The following RASA2 variants were observed in gnomAD, a reference collection of about 807,000 sequenced individuals.
The protein encoded by RASA2 is RAS p21 protein activator 2.
In RASA2, 155 loss-of-function variants were observed where a neutral mutation model predicts 118.2. The ratio of observed to expected loss-of-function variants is 1.31; its 90% CI spans 1.15 to 1.50. The LOEUF (loss-of-function observed/expected upper bound fraction) is 1.50, where lower values mean the gene tolerates loss of function less well. Ranked by LOEUF, RASA2 falls within the 40% of genes most tolerant of loss-of-function variation. RASA2 has a pLI of 0.00. For synonymous variants in RASA2, 353 were observed against 349.1 expected, an observed-to-expected ratio of 1.01 and a Z score of -0.12; for missense variants, 1,016 against 1,009.6, an observed-to-expected ratio of 1.01 and a Z score of -0.09.
chr3:141,555,080 G>A (rs1313828955), intron 6 of RASA2, among the ~76,000 whole-genome samples: 5 of 152,072 alleles, frequency 3.3e-5, no homozygotes, highest in African/African-American at 9.7e-5. Context: ...TGACCAACAA[G>A]GAGAAACCCC....
At chr3:141,545,130 C>T (rs568014849) in intron 5 of RASA2, among the ~76,000 whole-genome samples, 7 of 152,194 alleles carry the variant, frequency 4.6e-5, no homozygotes, top group South Asian at 2.1e-4. Flanking sequence ...ACATGTACCC[C>T]TGAACTTAAG....
chr3:141,551,645 C>G (rs2082577114), intron 5 of RASA2, among the ~76,000 whole-genome samples: 1 of 152,138 alleles, frequency 6.6e-6, no homozygotes, highest in South Asian at 2.1e-4. Context: ...TTGGAGGGCT[C>G]ACCTGTCCTT....
At chr3:141,590,013 T>G (rs545023270) in intron 19 of RASA2, 1 of 417,946 alleles carries the variant, frequency 2.4e-6, no homozygotes, top group Non-Finnish European at 4.7e-6. Context: ...GAATGAGATA[T>G]GAAGTTTCAA....
chr3:141,572,825 C>A, intron 12 of RASA2, 102 bp downstream of exon 12: 1 of 965,332 alleles, frequency 1.0e-6, no homozygotes, highest in Non-Finnish European at 1.5e-6. Context: ...TCATGTGTTA[C>A]TGAAAAAATA....
At chr3:141,504,819 C>G (rs2081839559) in intron 1 of RASA2, among the ~76,000 whole-genome samples, 1 of 152,216 alleles carries the variant, frequency 6.6e-6, no homozygotes, top group African/African-American at 2.4e-5. Flanking sequence ...TACTCCATCT[C>G]TTACTATCTC....
chr3:141,566,363 A>G (rs994343184), intron 9 of RASA2, among the ~76,000 whole-genome samples: 1 of 152,226 alleles, frequency 6.6e-6, no homozygotes, highest in African/African-American at 2.4e-5. Context: ...CTAACTACCA[A>G]TATAGAGGAA....
At chr3:141,546,172 G>A (rs534807475) in intron 5 of RASA2, among the ~76,000 whole-genome samples, 7 of 152,156 alleles carry the variant, frequency 4.6e-5, no homozygotes, top group African/African-American at 7.2e-5. Flanking sequence ...CCATGAGAGC[G>A]CAGATACCTC....
At chr3:141,609,307 T>C (rs1200716456) in intron 21 of RASA2, 113 bp from the exon 22 acceptor site, 4 of 580,952 alleles carry the variant, frequency 6.9e-6, no homozygotes, top group Non-Finnish European at 1.1e-5. Context: ...ATTTCCAGAC[T>C]TCCTTCTGCA....
chr3:141,528,085 GT>G (rs1235783398), intron 3 of RASA2, among the ~76,000 whole-genome samples: 1 of 151,766 alleles, frequency 6.6e-6, no homozygotes, highest in Non-Finnish European at 1.5e-5. Context: ...TTAACTTCAT[GT>G]ATTCATAGAC....
Position 141,570,988 on chromosome 3 carries a change from T to A in RASA2, c.940T>A (p.Cys314Ser). ...DDLGSLRLNI[C>S]YTEDYVLPSE... ...CCTGGGGTCTCTTCGATTAAATATA[T>A]GTTATACAGAAGACTACGTGCTTCC... Residue 314 changes from cysteine to serine, a missense_variant, in exon 10 of 24, where the codon TGT (cysteine) becomes AGT (serine). This residue lies in a region of RASA2 where 896 missense variants were observed against 836.4 expected (regional missense o/e 1.07). Coordinates refer to ENST00000286364, the MANE Select transcript of RASA2 (RefSeq NM_006506.5). The A allele has an allele frequency of 6.2e-7, 1 of 1,612,790 alleles. No individual in the cohort carries two copies. The highest frequency in any genetic ancestry group is 8.5e-7 in the Non-Finnish European group (1 of 1,179,272).
chr3:141,528,684 G>A (rs556000471), intron 3 of RASA2, among the ~76,000 whole-genome samples: 1 of 152,012 alleles, frequency 6.6e-6, no homozygotes, highest in African/African-American at 2.4e-5. Context: ...TTTAAGCATA[G>A]TTTGTGTTTG....
chr3:141,571,107 C>T (rs777667591), intron 10 of RASA2, 39 bp downstream of exon 10: 13 of 1,534,994 alleles, frequency 8.5e-6, no homozygotes, highest in African/African-American at 2.8e-5. Flanking sequence ...TAACACGAAA[C>T]GGCTAAAATA....
intron 4 of RASA2, among the ~76,000 whole-genome samples, chr3:141,537,313 C>A (rs1415240517): frequency 6.6e-6 from 1 of 152,086 alleles, no homozygotes; most frequent in Non-Finnish European, 1.5e-5. Context: ...TTTCTACTGA[C>A]CTGTCTCCCA....
At chr3:141,538,720 C>T (rs922545083) in intron 4 of RASA2, among the ~76,000 whole-genome samples, 2 of 151,952 alleles carry the variant, frequency 1.3e-5, no homozygotes, top group African/African-American at 2.4e-5. Context: ...TTTTCTTGAC[C>T]TGGTTAATAT....
chr3:141,488,826 A>G (rs902596859), intron 1 of RASA2, among the ~76,000 whole-genome samples: 1 of 152,124 alleles, frequency 6.6e-6, no homozygotes, highest in African/African-American at 2.4e-5. Context: ...GATTTTTACC[A>G]CTTTCTTAGT....
chr3:141,571,418 T>C lies in RASA2; in HGVS notation c.1033T>C (p.Ser345Pro). The C allele has an allele frequency of 6.2e-7, 1 of 1,613,116 alleles. No individual in the cohort carries two copies. The highest frequency in any genetic ancestry group is 8.5e-7 in the Non-Finnish European group (1 of 1,179,720). Residue 345 changes from serine (S) to proline (P), a missense_variant, in exon 11 of 24, where the codon TCA (serine) becomes CCA (proline). By Grantham distance (74) the Ser-to-Pro change is moderately conservative (BLOSUM62 -1). Transcript: ENST00000286364. Reference protein sequence around the residue: ...KSPDVQPISASAAYILSEICR... With the variant: ...KSPDVQPISAPAAYILSEICR... ...TTTCTGTATTTAGCCAATATCTGCC[T>C]CAGCTGCTTACATTTTGAGTGAAAT...
intron 20 of RASA2, 140 bp from the exon 21 acceptor site, chr3:141,608,349 A>C: frequency 1.3e-6 from 1 of 781,296 alleles, no homozygotes; most frequent in Non-Finnish European, 2.1e-6. Context: ...CTTGCTTGAA[A>C]CATAATAATT....
intron 15 of RASA2, among the ~76,000 whole-genome samples, chr3:141,577,840 C>T (rs1287831037): frequency 1.3e-5 from 2 of 152,094 alleles, no homozygotes; most frequent in Non-Finnish European, 2.9e-5. Context: ...AAACTTTGTT[C>T]TGGAGTCCTG....
At chr3:141,514,463 G>A (rs2081994920) in intron 2 of RASA2, among the ~76,000 whole-genome samples, 1 of 152,164 alleles carries the variant, frequency 6.6e-6, no homozygotes, top group African/African-American at 2.4e-5. Context: ...AGATAAAAAT[G>A]TTTTGTATCT....
Sources: gnomAD v4.1 joint callset for allele counts (sites outside exome capture counted in the v4.1 genomes callset) on GRCh38, gnomAD v4.1.1 for gene constraint, gnomAD v4.1.1 regional missense constraint, MANE v1.5 for transcripts, NCBI Gene and HGNC (gene_info 2026-07-23, HGNC 2026-07-21) for gene names.